Variants in CDK5RAP2 observed in about 807,000 individuals in gnomAD.
The protein encoded by CDK5RAP2 is CDK5 regulatory subunit associated protein 2.
CDK5RAP2 carries 147 observed loss-of-function variants against 232.9 expected under a neutral mutation model. That is an observed-to-expected ratio of 0.63 (90% CI 0.55 to 0.72). The LOEUF is 0.72. Among genes scored for constraint, CDK5RAP2 ranks in the 30% least tolerant of loss-of-function variants. The pLI is 0.00. For missense variants in CDK5RAP2, 2,195 were observed against 2,231.5 expected (o/e 0.98, Z 0.33); for synonymous variants, 833 against 833.7 (o/e 1.00, Z 0.01).
Position 120,406,993 on chromosome 9 carries a change from G to T in CDK5RAP2, c.4963+19C>A, listed in dbSNP as rs1487379639. 5 of 1,560,140 alleles carry T rather than the reference G, an allele frequency of 3.2e-6. No individual in the cohort carries two copies. The highest frequency in any genetic ancestry group is 4.4e-6 in the Non-Finnish European group (5 of 1,131,134). ...TCAGAGCTGCATTCTCAGCAAGTGG[G>T]GAGAGGCAGGGGCAGTACCGTGTTT... On this transcript the variant is annotated intron_variant, in intron 32 of 37. Coordinates refer to ENST00000349780, the MANE Select transcript of CDK5RAP2 (RefSeq NM_018249.6).
intron 12 of CDK5RAP2, among the ~76,000 whole-genome samples, chr9:120,513,505 A>C (rs1012507578): frequency 4.6e-5 from 7 of 151,942 alleles, no homozygotes; most frequent in African/African-American, 1.5e-4. Flanking sequence ...TCTTCCCCAA[A>C]ATCACCATAC....
chr9:120,468,002 G>T lies in CDK5RAP2; in HGVS notation c.1969-5C>A. On this transcript the variant is annotated splice_polypyrimidine_tract_variant and splice_region_variant and intron_variant, in intron 17 of 37. Coordinates refer to ENST00000349780, the MANE Select transcript of CDK5RAP2 (RefSeq NM_018249.6). ...TAGCTGTATAAGGTCACTGACCTAG[G>T]AGGTAAGAACAGGGAAAAGGCTGTC... 1 of 1,613,894 alleles carries T rather than the reference G, an allele frequency of 6.2e-7. No individual in the cohort carries two copies. Among genetic ancestry groups the T allele is most frequent in the South Asian group, 1.1e-5 (1 of 91,078 alleles).
chr9:120,532,623 TAC>T (rs1363153821), intron 7 of CDK5RAP2: 1 of 152,528 alleles, frequency 6.6e-6, no homozygotes, highest in African/African-American at 2.4e-5. Flanking sequence ...ACGCTGATCC[TAC>T]ACACCCAGGA....
At chr9:120,455,794 G>T (rs531292409) in intron 20 of CDK5RAP2, among the ~76,000 whole-genome samples, 1 of 151,776 alleles carries the variant, frequency 6.6e-6, no homozygotes, top group South Asian at 2.1e-4. Flanking sequence ...GAGAATGGAC[G>T]GAGAGGCCTT....
intron 12 of CDK5RAP2, among the ~76,000 whole-genome samples, chr9:120,507,905 C>T: frequency 1.2e-5 from 1 of 85,666 alleles, no homozygotes; most frequent in South Asian, 4.6e-4. Context: ...AGCAGACTGG[C>T]TGATTAAAAA....
chr9:120,425,223 C>T (rs1162827268), intron 25 of CDK5RAP2, among the ~76,000 whole-genome samples: 2 of 152,318 alleles, frequency 1.3e-5, no homozygotes, highest in Non-Finnish European at 2.9e-5. Flanking sequence ...CTTGCAACAA[C>T]TCAACAACAA....
intron 6 of CDK5RAP2, among the ~76,000 whole-genome samples, chr9:120,537,986 G>A (rs926187258): frequency 1.3e-5 from 2 of 152,160 alleles, no homozygotes; most frequent in Admixed American, 1.3e-4. Context: ...TCCAACACAT[G>A]GGAAAGCACT....
chr9:120,578,222 G>A (rs1375747846), intron 1 of CDK5RAP2, among the ~76,000 whole-genome samples: 1 of 152,064 alleles, frequency 6.6e-6, no homozygotes, highest in East Asian at 1.9e-4. Context: ...AGCCGAGATC[G>A]CGCCACTGCA....
At chr9:120,395,022 G>A (rs1350079040) in intron 35 of CDK5RAP2, among the ~76,000 whole-genome samples, 2 of 152,162 alleles carry the variant, frequency 1.3e-5, no homozygotes, top group African/African-American at 4.8e-5. Context: ...CATTGTTCAT[G>A]GTAGGAAAAA....
chr9:120,496,911 G>C lies in CDK5RAP2; in HGVS notation c.1312-5434C>G, dbSNP rs2039306009. Among the ~76,000 whole-genome samples the C allele has an allele frequency of 2.1e-5, 3 of 141,508 alleles. 1 individual carries two copies. Among genetic ancestry groups the C allele is most frequent in the Admixed American group, 6.8e-5 (1 of 14,764 alleles). The allele number at this position is 141,508 out of a possible 152,430, so 92.8% of individuals were successfully genotyped here. Reference sequence around the variant, plus strand: ...GGCCACCACCCTGTCTGGGAGGTGTGCCCAACAGCTCATTGAGAACGGGCC... The same window carrying C: ...GGCCACCACCCTGTCTGGGAGGTGTCCCCAACAGCTCATTGAGAACGGGCC... On this transcript the variant is annotated intron_variant, in intron 12 of 37. Coordinates refer to ENST00000349780, the MANE Select transcript of CDK5RAP2 (RefSeq NM_018249.6).
At chr9:120,505,650 G>C (rs574713852) in intron 12 of CDK5RAP2, among the ~76,000 whole-genome samples, 34 of 152,332 alleles carry the variant, frequency 2.2e-4, no homozygotes, top group South Asian at 2.1e-4. Flanking sequence ...GAAATTAAAA[G>C]TGCTACTCCA....
chr9:120,469,568 T>C (rs1039241011), intron 17 of CDK5RAP2, among the ~76,000 whole-genome samples: 4 of 152,184 alleles, frequency 2.6e-5, no homozygotes, highest in African/African-American at 9.7e-5. Context: ...TAAACCACTC[T>C]AACCATGACA....
chr9:120,417,421 C>A (rs1012701188), intron 27 of CDK5RAP2, among the ~76,000 whole-genome samples: 1 of 152,240 alleles, frequency 6.6e-6, no homozygotes, highest in Non-Finnish European at 1.5e-5. Context: ...TGCCTTGGTG[C>A]CCTGCAAATC....
chr9:120,443,999 C>T (rs772080636), intron 22 of CDK5RAP2, among the ~76,000 whole-genome samples: 3 of 152,192 alleles, frequency 2.0e-5, no homozygotes, highest in Non-Finnish European at 2.9e-5. Context: ...TCTATCAATT[C>T]GTGCCCATTT....
intron 7 of CDK5RAP2, among the ~76,000 whole-genome samples, chr9:120,534,991 G>A (rs1445689607): frequency 1.3e-5 from 2 of 152,202 alleles, no homozygotes; most frequent in African/African-American, 2.4e-5. Context: ...GGGAGGCTCA[G>A]TAGGAGGGCA....
intron 36 of CDK5RAP2, among the ~76,000 whole-genome samples, chr9:120,393,709 C>T (rs1432851773): frequency 1.3e-5 from 2 of 152,238 alleles, no homozygotes; most frequent in Non-Finnish European, 2.9e-5. Flanking sequence ...AGAGCTGCTC[C>T]CAAACAATCT....
chr9:120,462,676 A>C (rs1466688247), intron 18 of CDK5RAP2, among the ~76,000 whole-genome samples: 3 of 152,238 alleles, frequency 2.0e-5, no homozygotes, highest in African/African-American at 7.2e-5. Flanking sequence ...GTATGACTCC[A>C]TTTATATGAA....
intron 11 of CDK5RAP2, among the ~76,000 whole-genome samples, chr9:120,521,038 A>G (rs1205836691): frequency 2.0e-5 from 3 of 152,162 alleles, no homozygotes; most frequent in Non-Finnish European, 4.4e-5. Flanking sequence ...TTCAGTGGGT[A>G]CAACATAAAT....
intron 12 of CDK5RAP2, among the ~76,000 whole-genome samples, chr9:120,502,464 G>A (rs2039619791): frequency 6.6e-6 from 1 of 152,156 alleles, no homozygotes; most frequent in Admixed American, 6.5e-5. Flanking sequence ...TGTGTATTCA[G>A]CAACCATTTA....
Sources: gnomAD v4.1 joint callset for allele counts (sites outside exome capture counted in the v4.1 genomes callset) on GRCh38, gnomAD v4.1.1 for gene constraint, MANE v1.5 for transcripts, NCBI Gene and HGNC (gene_info 2026-07-23, HGNC 2026-07-21) for gene names.